The following USP22 variants were observed in gnomAD, a reference collection of about 807,000 sequenced individuals.
USP22 encodes ubiquitin specific peptidase 22.
In USP22, 22 loss-of-function variants were observed where a neutral mutation model predicts 68.1. The observed-to-expected ratio is 0.32, with a 90% CI of 0.23 to 0.46. The LOEUF is 0.46. Among genes scored for constraint, USP22 ranks in the 20% least tolerant of loss-of-function variants. The probability of loss-of-function intolerance (pLI) is 1.00; values close to 1 mark genes in which losing one functional copy is unlikely to be tolerated. For synonymous variants in USP22, 279 were observed against 274.2 expected, an observed-to-expected ratio of 1.02 and a Z score of -0.17; for missense variants, 433 against 695.8, an observed-to-expected ratio of 0.62 and a Z score of 4.25.
intron 5 of USP22, among the ~76,000 whole-genome samples, chr17:21,017,570 C>T (rs1597693516): frequency 6.6e-6 from 1 of 152,156 alleles, no homozygotes; most frequent in Admixed American, 6.5e-5. Flanking sequence ...GGAGGAGACT[C>T]GCATACCAGG....
chr17:21,013,609 T>C (rs765104234), intron 6 of USP22, among the ~76,000 whole-genome samples: 2 of 152,192 alleles, frequency 1.3e-5, no homozygotes, highest in South Asian at 4.1e-4. Context: ...CACCTGTATA[T>C]ACATCACAGT....
intron 1 of USP22, among the ~76,000 whole-genome samples, chr17:21,036,045 A>AAAAAAAAAAAAAAG (rs1567593858): frequency 2.0e-5 from 3 of 151,040 alleles, no homozygotes; most frequent in African/African-American, 7.3e-5. Flanking sequence ...AAAAAAAAAA[A>AAAAAAAAAAAAAAG]AAAAAAAAAA....
intron 6 of USP22, 145 bp downstream of exon 6, chr17:21,015,607 C>G: frequency 8.2e-7 from 1 of 1,217,350 alleles, no homozygotes; most frequent in Non-Finnish European, 1.1e-6. Flanking sequence ...ACTTCAGAAA[C>G]AAATGACGAC....
At chr17:21,041,234 G>C (rs1446910507) in intron 1 of USP22, among the ~76,000 whole-genome samples, 1 of 152,070 alleles carries the variant, frequency 6.6e-6, no homozygotes, top group Non-Finnish European at 1.5e-5. Context: ...CTCTAACTCC[G>C]ATCCTGAAAC....
At chr17:21,014,829 A>G (rs1914081220) in intron 6 of USP22, among the ~76,000 whole-genome samples, 1 of 152,238 alleles carries the variant, frequency 6.6e-6, no homozygotes, top group Non-Finnish European at 1.5e-5. Context: ...GAAACTCACA[A>G]GCAGCCAGGT....
At position 21,002,409 on chromosome 17, in the gene USP22, C is replaced by T. The variant is rs57426028; in HGVS notation, c.*622G>A. ...AAGAAAATGCCTGTTTCTAGAAAAC[C>T]GCGAGATGCTTCCACGTGCAGCTTG... On this transcript the variant is annotated 3_prime_UTR_variant, in exon 13 of 13. Transcript: ENST00000261497. 0.032 allele frequency: 4,839 copies of T among 152,374 alleles called. 250 individuals are homozygous for T. Among genetic ancestry groups the T allele is most frequent in the African/African-American group, 0.11 (4,593 of 41,526 alleles). 9.4% of individuals were successfully genotyped at this position (152,374 alleles called of 1,614,324 possible). A position where few individuals can be genotyped will look rare whatever the true frequency, so the allele number is the denominator to read the frequency against.
intron 2 of USP22, 131 bp from the exon 3 acceptor site, chr17:21,021,357 G>A (rs938931164): frequency 4.6e-6 from 3 of 651,876 alleles, no homozygotes; most frequent in Admixed American, 2.3e-5. Context: ...TTCACAAGCA[G>A]GGAAGCCAGT....
rs767101024 is a variant in USP22 at position 21,015,498 on chromosome 17, T to C, written c.838+254A>G. 2.6e-5 allele frequency among the ~76,000 whole-genome samples: 4 copies of C among 152,224 alleles called. No individual in the cohort carries two copies. In the East Asian group the frequency reaches 7.7e-4, roughly 29 times the overall value. ...AGGGCTCCAAGAGTTTGCTGTTCAC[T>C]GTGATCGGTCACTGAGGACCTGTCA... On this transcript the variant is annotated intron_variant, in intron 6 of 12. Transcript: ENST00000261497.
intron 1 of USP22, among the ~76,000 whole-genome samples, chr17:21,041,480 C>A (rs957697226): frequency 6.6e-6 from 1 of 152,042 alleles, no homozygotes; most frequent in Non-Finnish European, 1.5e-5. Context: ...AGCCTGTAAT[C>A]CCAGCTACTC....
At chr17:21,017,603 G>A (rs972837319) in intron 5 of USP22, among the ~76,000 whole-genome samples, 7 of 152,198 alleles carry the variant, frequency 4.6e-5, no homozygotes, top group Non-Finnish European at 8.8e-5. Context: ...GGTGACACAT[G>A]CGTGCCTTTC....
chr17:21,030,124 T>C (rs577201466), intron 1 of USP22, among the ~76,000 whole-genome samples: 1 of 152,342 alleles, frequency 6.6e-6, no homozygotes, highest in East Asian at 1.9e-4. Context: ...AAGTCCCTGA[T>C]ACAAAATGTA....
chr17:21,042,978 T>A lies in USP22; in HGVS notation c.-143A>T. Reference sequence around the variant, plus strand: ...ACAAAGCGCGGAGGCCGGACAAAGATGGGGCTGCGCGATCGCCGAGGGGAG... The same window carrying A: ...ACAAAGCGCGGAGGCCGGACAAAGAAGGGGCTGCGCGATCGCCGAGGGGAG... On this transcript the variant is annotated 5_prime_UTR_variant, in exon 1 of 13. Transcript: ENST00000261497. 1 of 418,188 alleles carries A rather than the reference T, an allele frequency of 2.4e-6. No homozygotes were observed. The highest frequency in any genetic ancestry group is 3.8e-6 in the Non-Finnish European group (1 of 261,600). The allele number at this position is 418,188 out of a possible 1,614,324, so 25.9% of individuals were successfully genotyped here.
In USP22 at chr17:21,001,801, ATC is replaced by A. The variant is rs113636900; in HGVS notation, c.*1228_*1229del. On this transcript the variant is annotated 3_prime_UTR_variant, in exon 13 of 13. Transcript: ENST00000261497. ...TTCTCAGTGGACAAATGGACAAACC[ATC>A]TCTGTTTGAATTTGAATACACAGAT... is the stretch of plus-strand genomic sequence containing the variant. 6.6e-5 allele frequency: 10 copies of A among 152,334 alleles called. No homozygotes were observed. The highest frequency in any genetic ancestry group is 1.9e-4 in the East Asian group (1 of 5,186). The allele number at this position is 152,334 out of a possible 1,614,324, so 9.4% of individuals were successfully genotyped here.
At chr17:21,016,119 G>C (rs991614447) in intron 5 of USP22, among the ~76,000 whole-genome samples, 1 of 152,062 alleles carries the variant, frequency 6.6e-6, no homozygotes, top group African/African-American at 2.4e-5. Context: ...CTACCATCTA[G>C]TTTTCCACAT....
chr17:21,034,792 T>C (rs921061634), intron 1 of USP22, among the ~76,000 whole-genome samples: 2 of 152,260 alleles, frequency 1.3e-5, no homozygotes, highest in Middle Eastern at 3.4e-3. Context: ...AGAAAAGCCA[T>C]AAAGGGCTTC....
intron 2 of USP22, among the ~76,000 whole-genome samples, chr17:21,022,027 G>T (rs1972162595): frequency 6.6e-6 from 1 of 152,176 alleles, no homozygotes; most frequent in Admixed American, 6.5e-5. Flanking sequence ...TGAAACCTGG[G>T]AAGGGGAGGT....
chr17:21,038,676 A>G (rs1972387182), intron 1 of USP22, among the ~76,000 whole-genome samples: 1 of 152,040 alleles, frequency 6.6e-6, no homozygotes, highest in East Asian at 1.9e-4. Context: ...AAAAAAAAAA[A>G]AAATACATAA....
chr17:21,042,665 C>A lies in USP22; in HGVS notation c.171G>T (p.Lys57Asn). The A allele has an allele frequency of 1.6e-6, 2 of 1,277,136 alleles. No homozygotes were observed. The highest frequency in any genetic ancestry group is 2.0e-6 in the Non-Finnish European group (2 of 1,006,572). The allele number at this position is 1,277,136 out of a possible 1,614,324, so 79.1% of individuals were successfully genotyped here. ...WSGTAEARKR[K>N]AKSCICHVCG... ...CCGCGCGGTGGGCTGCCGGGCGCACCTTGCGCTTGCGGGCCTCAGCCGTGC... is the reference window on the plus strand; with the variant it reads ...CCGCGCGGTGGGCTGCCGGGCGCACATTGCGCTTGCGGGCCTCAGCCGTGC... Residue 57 changes from lysine to asparagine, a missense_variant and splice_region_variant, in exon 1 of 13, where the codon AAG becomes AAT. Around this residue, in one of 4 missense-constraint regions of USP22, gnomAD observed 110 missense variants for 89.9 expected, o/e 1.22. Transcript: ENST00000261497.
chr17:21,034,414 A>G (rs891701505), intron 1 of USP22, among the ~76,000 whole-genome samples: 2 of 152,206 alleles, frequency 1.3e-5, no homozygotes, highest in African/African-American at 4.8e-5. Flanking sequence ...AATATAAAAT[A>G]TCACAGCAGT....
Sources: allele counts gnomAD v4.1 joint callset (sites outside exome capture counted in the v4.1 genomes callset), GRCh38; gene constraint gnomAD v4.1.1; regional missense constraint gnomAD v4.1.1; transcripts MANE v1.5; gene names NCBI Gene and HGNC (gene_info 2026-07-23, HGNC 2026-07-21).